TTC39A: variants seen among roughly 807,000 people sequenced by gnomAD.
TTC39A encodes tetratricopeptide repeat protein 39A.
TTC39A carries 46 observed loss-of-function variants against 82.3 expected under a neutral mutation model. That is an observed-to-expected ratio of 0.56 (90% CI 0.44 to 0.71). The LOEUF (loss-of-function observed/expected upper bound fraction) is 0.71, where lower values mean the gene tolerates loss of function less well. Ranked by LOEUF, TTC39A falls within the 30% of genes least tolerant of loss-of-function variation. The pLI is 0.00. For missense variants in TTC39A, 543 were observed against 712.9 expected (o/e 0.76, Z 2.71); for synonymous variants, 254 against 275.2 (o/e 0.92, Z 0.76).
chr1:51,322,792 T>C (rs1217088617), intron 1 of TTC39A, among the ~76,000 whole-genome samples: 1 of 152,154 alleles, frequency 6.6e-6, no homozygotes, highest in Non-Finnish European at 1.5e-5. Flanking sequence ...GGCTTGATAC[T>C]CTCCCTGAAG....
chr1:51,300,748 T>A (rs1353575655), intron 12 of TTC39A: 2 of 152,262 alleles, frequency 1.3e-5, no homozygotes, highest in African/African-American at 2.4e-5. Context: ...GGCATCTTGT[T>A]AATCCCTCCA....
At chr1:51,330,742 C>T (rs1274441585), upstream of TTC39A, 1 of 591,724 alleles carries the variant, frequency 1.7e-6, no homozygotes, top group Non-Finnish European at 2.2e-6. The surrounding 1 kb of genome is among the most constrained non-coding windows in gnomAD (Gnocchi z 4.5). Context: ...GGTGAGAGCC[C>T]GGCGCCCTCT....
At chr1:51,322,153 C>A (rs1357978538) in intron 1 of TTC39A, 2 of 1,550,840 alleles carry the variant, frequency 1.3e-6, no homozygotes, top group Non-Finnish European at 1.7e-6. Flanking sequence ...TGTGGCCCTT[C>A]TGGCCCATTG....
chr1:51,299,388 TCAGACCCAG>T lies in TTC39A; in HGVS notation c.1053+2175_1053+2183del, dbSNP rs1644566617. The T allele has an allele frequency of 5.3e-5, 8 of 152,318 alleles. No homozygotes were observed. In the South Asian group the frequency reaches 1.7e-3, roughly 32 times the overall value. The allele number at this position is 152,318 out of a possible 1,614,324, so 9.4% of individuals were successfully genotyped here. On this transcript the variant is annotated intron_variant, in intron 12 of 17. Coordinates refer to ENST00000680483, the MANE Select transcript of TTC39A (RefSeq NM_001297663.2). ...CCGTCGCTCAGCCAGGGTCTGCGGG[TCAGACCCAG>T]CAGCTGACCTCGGAGGATCCTGGCA...
Position 51,342,881 on chromosome 1 carries a change from C to T in TTC39A, c.53+2110G>A, listed in dbSNP as rs906828515. ...TCCATTCACTGCTTCTCATTTCTTC[C>T]TTCTTAGCGTCTACCTCCCATTCCC... On this transcript the variant is annotated intron_variant, in intron 1 of 5. Coordinates refer to the TTC39A transcript ENST00000401051. 1.9e-5 allele frequency: 7 copies of T among 362,016 alleles called. No homozygotes were observed. In the Admixed American group the frequency reaches 2.1e-4, roughly 11 times the overall value. The allele number at this position is 362,016 out of a possible 1,614,324, so 22.4% of individuals were successfully genotyped here.
Position 51,301,713 on chromosome 1 carries a change from C to A in TTC39A, c.912G>T (p.Glu304Asp). 1 of 1,608,344 alleles carries A rather than the reference C, an allele frequency of 6.2e-7. No individual in the cohort carries two copies. Among genetic ancestry groups the A allele is most frequent in the Non-Finnish European group, 8.5e-7 (1 of 1,175,554 alleles). ...NIDAAIRRFE[E>D]CCEAQQHWKQ... is the part of the protein sequence containing the mutation. ...TCCAGTGCTGCTGGGCCTCACAGCA[C>A]TCCTCGAAACGCCGGATGGCCTGCA... is the stretch of plus-strand genomic sequence containing the variant. The change falls in exon 12 of 18, where the codon GAG becomes GAT. Residue 304 changes from glutamate (E) to aspartate (D), a missense_variant. Physicochemically the swap from Glu to Asp is conservative, Grantham distance 45. Transcript: ENST00000680483.
In TTC39A at chr1:51,344,983, C is replaced by A. The variant is rs1009201394; in HGVS notation, c.53+8G>T. 2.0e-6 allele frequency: 3 copies of A among 1,525,768 alleles called. No homozygotes were observed. In the South Asian group the frequency reaches 3.7e-5, roughly 19 times the overall value. The allele number at this position is 1,525,768 out of a possible 1,614,324, so 94.5% of individuals were successfully genotyped here. Reference sequence around the variant, plus strand: ...GCCTTCCGCCGAGTCCCCACCCCTGCCCGGTACCTGCGGTCGCTTTTCCCG... The same window carrying A: ...GCCTTCCGCCGAGTCCCCACCCCTGACCGGTACCTGCGGTCGCTTTTCCCG... On this transcript the variant is annotated splice_region_variant and intron_variant, in intron 1 of 5. Transcript: ENST00000401051.
At chr1:51,292,204 A>G (rs1644251599) in intron 14 of TTC39A, among the ~76,000 whole-genome samples, 1 of 152,162 alleles carries the variant, frequency 6.6e-6, no homozygotes, top group South Asian at 2.1e-4. Flanking sequence ...TTAAAAATAA[A>G]TAAAATAAAA....
chr1:51,331,440 A>G, upstream of TTC39A: 2 of 1,418,824 alleles, frequency 1.4e-6, no homozygotes, highest in East Asian at 2.6e-5. Flanking sequence ...TGTGGCTGCC[A>G]TTAGAGCTGT....
chr1:51,322,086 T>C (rs1328278763), intron 1 of TTC39A: 1 of 1,550,216 alleles, frequency 6.5e-7, no homozygotes. Context: ...AAGGGCAAGG[T>C]GCAAAGAGGC....
chr1:51,334,321 C>A (rs1458027163), upstream of TTC39A, among the ~76,000 whole-genome samples: 1 of 151,792 alleles, frequency 6.6e-6, no homozygotes, highest in Non-Finnish European at 1.5e-5. Flanking sequence ...CTGACCAACA[C>A]AGAGAAACCC....
At chr1:51,309,537 TC>T (rs1645005433) in intron 5 of TTC39A, 2 of 1,238,740 alleles carry the variant, frequency 1.6e-6, no homozygotes, top group East Asian at 5.8e-5. Flanking sequence ...GTACACATAC[TC>T]TGTGCTTGGA....
intron 1 of TTC39A, chr1:51,322,361 G>T: frequency 8.0e-7 from 1 of 1,244,276 alleles, no homozygotes; most frequent in Non-Finnish European, 1.0e-6. Context: ...CTTTGCCAAT[G>T]GCTCCTCCAG....
At chr1:51,331,173 G>T, upstream of TTC39A, 2 of 1,543,890 alleles carry the variant, frequency 1.3e-6, no homozygotes, top group Non-Finnish European at 1.8e-6. Flanking sequence ...GGCAAGCTAG[G>T]ACTGGAATCC....
intron 1 of TTC39A, among the ~76,000 whole-genome samples, chr1:51,336,742 C>G (rs867794380): frequency 5.3e-5 from 8 of 152,274 alleles, no homozygotes; most frequent in South Asian, 2.1e-4. Flanking sequence ...AGGGCTTGCA[C>G]CTGACACCCT....
Position 51,288,937 on chromosome 1 carries a change from A to G in TTC39A, c.1512T>C (p.Tyr504=). Residue 504 remains tyrosine (Y), a synonymous_variant, in exon 17 of 18, where the codon TAT becomes TAC. Coordinates refer to ENST00000680483, the MANE Select transcript of TTC39A (RefSeq NM_001297663.2). The surrounding 1 kb of genome is among the most constrained non-coding windows in gnomAD (Gnocchi z 4.8). ...SISANEKKIK[Y]DHYLIPNALL... ...GGGCGTTTGGGATCAAGTAGTGGTCATATTTAATCTTCTTTTCACTGCAGA... is the reference window on the plus strand; with the variant it reads ...GGGCGTTTGGGATCAAGTAGTGGTCGTATTTAATCTTCTTTTCACTGCAGA... 6.2e-7 allele frequency: 1 copy of G among 1,606,976 alleles called. No homozygotes were observed. Among genetic ancestry groups the G allele is most frequent in the Non-Finnish European group, 8.5e-7 (1 of 1,176,668 alleles).
rs187409940 is a variant in TTC39A at position 51,344,119 on chromosome 1, C to T, written c.53+872G>A. 1.1e-3 allele frequency among the ~76,000 whole-genome samples: 167 copies of T among 152,172 alleles called. 1 individual carries two copies. Among genetic ancestry groups the T allele is most frequent in the African/African-American group, 4.0e-3 (164 of 41,504 alleles). The stretch of plus-strand genomic sequence containing the variant: ...GGTGTCAGGGATGACTCCCAGGTTT[C>T]GGGCTTGGGCAACTGGGTGGATGAC... On this transcript the variant is annotated intron_variant, in intron 1 of 5. Coordinates refer to the TTC39A transcript ENST00000401051.
rs532882404 is a variant in TTC39A, at chr1:51,320,877, T to G, written c.146+844A>C. Reference sequence around the variant, plus strand: ...TATCAGTAGATGTTTTCTGGTTTTTTTTTTTTTTTTTTTGAGACAGAGTCT... The same window carrying G: ...TATCAGTAGATGTTTTCTGGTTTTTGTTTTTTTTTTTTTGAGACAGAGTCT... On this transcript the variant is annotated intron_variant, in intron 2 of 17. Coordinates refer to ENST00000680483, the MANE Select transcript of TTC39A (RefSeq NM_001297663.2). Among the ~76,000 whole-genome samples the G allele has an allele frequency of 4.7e-5, 7 of 149,418 alleles. No individual in the cohort carries two copies. In the South Asian group the frequency reaches 8.5e-4, roughly 18 times the overall value.
chr1:51,308,759 T>C (rs545768687), intron 6 of TTC39A, among the ~76,000 whole-genome samples: 3 of 152,298 alleles, frequency 2.0e-5, no homozygotes, highest in African/African-American at 7.2e-5. Flanking sequence ...GATTTTGGCC[T>C]GCAGAGAGCA....
Sources: allele counts gnomAD v4.1 joint callset (sites outside exome capture counted in the v4.1 genomes callset), GRCh38; gene constraint gnomAD v4.1.1; non-coding constraint Gnocchi (gnomAD v3.1); transcripts MANE v1.5; gene names NCBI Gene and HGNC (gene_info 2026-07-23, HGNC 2026-07-21).